ATL2: variants seen among roughly 807,000 people sequenced by gnomAD.
ATL2 encodes the protein atlastin-2.
Under a neutral mutation model 73.9 loss-of-function variants are expected in ATL2, and 31 were observed. That is an observed-to-expected ratio of 0.42 (90% CI 0.32 to 0.57). The LOEUF (loss-of-function observed/expected upper bound fraction) is 0.57, where lower values mean the gene tolerates loss of function less well. Ranked by LOEUF, ATL2 falls within the 20% of genes least tolerant of loss-of-function variation. ATL2 has a pLI of 0.14. For missense variants in ATL2, 738 were observed against 702.6 expected (o/e 1.05, Z -0.57); for synonymous variants, 291 against 237.5 (o/e 1.23, Z -2.07).
Position 38,367,431 on chromosome 2 carries a change from G to A in ATL2, c.118+9712C>T, listed in dbSNP as rs542310583. 2.6e-3 allele frequency among the ~76,000 whole-genome samples: 394 copies of A among 150,606 alleles called. 1 individual carries two copies. The highest frequency in any genetic ancestry group is 4.4e-3 in the Non-Finnish European group (294 of 67,564). On this transcript the variant is annotated intron_variant, in intron 1 of 12. Transcript: ENST00000378954. ...ATCCTGGCTAACACGGTGAAACCCC[G>A]TCTCTATTAAAAATACAAAAAAAAA...
chr2:38,350,066 T>C (rs537526226), intron 1 of ATL2, among the ~76,000 whole-genome samples: 1 of 152,340 alleles, frequency 6.6e-6, no homozygotes, highest in African/African-American at 2.4e-5. Context: ...CTGTAAATAC[T>C]GTACTAGCAT....
rs544391830 is a variant in ATL2 at position 38,313,380 on chromosome 2, T to C, written c.712-137A>G. 82 of 628,732 alleles carry C rather than the reference T, an allele frequency of 1.3e-4. No individual in the cohort carries two copies. In the African/African-American group the frequency reaches 1.5e-3, roughly 11 times the overall value. The allele number at this position is 628,732 out of a possible 1,614,324, so 38.9% of individuals were successfully genotyped here. A position where few individuals can be genotyped will look rare whatever the true frequency, so the allele number is the denominator to read the frequency against. On this transcript the variant is annotated intron_variant, in intron 6 of 12. Coordinates refer to ENST00000378954, the MANE Select transcript of ATL2 (RefSeq NM_001135673.4). ...AAAGTTATAGTAACTAAATGGTCAG[T>C]ACTGGTCATGGTTATATCAAGGACC...
At chr2:38,341,417 A>G (rs1250362111) in intron 2 of ATL2, among the ~76,000 whole-genome samples, 1 of 152,170 alleles carries the variant, frequency 6.6e-6, no homozygotes, top group African/African-American at 2.4e-5. Context: ...TGGGAGAATC[A>G]CTTGAGGCCA....
intron 1 of ATL2, among the ~76,000 whole-genome samples, chr2:38,353,761 T>C (rs1670493814): frequency 6.6e-6 from 1 of 152,334 alleles, no homozygotes; most frequent in South Asian, 2.1e-4. Flanking sequence ...CTGCTGCTTA[T>C]CACATCATCA....
chr2:38,310,205 T>C, intron 8 of ATL2, 104 bp downstream of exon 8: 1 of 1,296,144 alleles, frequency 7.7e-7, no homozygotes. Flanking sequence ...CATCCAAACA[T>C]TCTCCAGTAT....
intron 2 of ATL2, among the ~76,000 whole-genome samples, chr2:38,336,570 G>A (rs1234371060): frequency 6.6e-6 from 1 of 152,190 alleles, no homozygotes; most frequent in Non-Finnish European, 1.5e-5. Context: ...ATAATTTAGT[G>A]TAGGTATATC....
rs1350860053 is a variant in ATL2, at chr2:38,332,255, G to C, written c.363+11013C>G. ...ACTGTGACTTGCTCTCTCCCAGACT[G>C]GAGTGCAATAGCACAATCAGGGCTC... On this transcript the variant is annotated intron_variant, in intron 2 of 12. Transcript: ENST00000378954. Among the ~76,000 whole-genome samples, 3 of 152,204 alleles carry C rather than the reference G, an allele frequency of 2.0e-5. No homozygotes were observed. In the East Asian group the frequency reaches 5.8e-4, roughly 29 times the overall value.
chr2:38,340,983 T>C (rs557555075), intron 2 of ATL2, among the ~76,000 whole-genome samples: 2 of 152,320 alleles, frequency 1.3e-5, no homozygotes, highest in African/African-American at 2.4e-5. Context: ...TGTGCAGAGA[T>C]TGCAAATACA....
At chr2:38,328,521 G>A (rs1483477894) in intron 2 of ATL2, among the ~76,000 whole-genome samples, 1 of 152,036 alleles carries the variant, frequency 6.6e-6, no homozygotes, top group African/African-American at 2.4e-5. Context: ...ATCAGTAACA[G>A]AAACACAGCT....
At chr2:38,354,501 T>C (rs1036210132) in intron 1 of ATL2, among the ~76,000 whole-genome samples, 1 of 152,192 alleles carries the variant, frequency 6.6e-6, no homozygotes, top group Non-Finnish European at 1.5e-5. Context: ...TGGTAAAACA[T>C]TGATTCTAAA....
In ATL2 at chr2:38,310,384, T is replaced by G. The variant is rs757660514; in HGVS notation, c.868A>C (p.Asn290His). Residue 290 changes from asparagine to histidine, a missense_variant, in exon 8 of 13, where the codon AAT (asparagine) becomes CAT (histidine). By Grantham distance (68) the Asn-to-His change is moderately conservative (BLOSUM62 1). Coordinates refer to ENST00000378954, the MANE Select transcript of ATL2 (RefSeq NM_001135673.4). ...TGTGGCAAAAGGAAGCAACCAAGATTTGAGAAACAATTGTGTATGTGCTTC... is the reference window on the plus strand; with the variant it reads ...TGTGGCAAAAGGAAGCAACCAAGATGTGAGAAACAATTGTGTATGTGCTTC... ...VRKHIHNCFS[N>H]LGCFLLPHPG... 1.4e-5 allele frequency: 22 copies of G among 1,611,954 alleles called. No homozygotes were observed. Among genetic ancestry groups the G allele is most frequent in the Non-Finnish European group, 1.9e-5 (22 of 1,179,210 alleles).
intron 2 of ATL2, among the ~76,000 whole-genome samples, chr2:38,322,680 G>A (rs1435742024): frequency 6.6e-6 from 1 of 151,866 alleles, no homozygotes; most frequent in Non-Finnish European, 1.5e-5. Flanking sequence ...ACCTTGTAAT[G>A]GAAATGTTTA....
chr2:38,365,192 T>TAC (rs760433688), intron 1 of ATL2, among the ~76,000 whole-genome samples: 4 of 134,588 alleles, frequency 3.0e-5, no homozygotes, highest in African/African-American at 1.1e-4. Flanking sequence ...CACACACAAA[T>TAC]ACACACACAC....
chr2:38,360,149 AG>A (rs1333150124), intron 1 of ATL2, among the ~76,000 whole-genome samples: 2 of 149,460 alleles, frequency 1.3e-5, no homozygotes, highest in African/African-American at 2.5e-5. Context: ...AAAAAAAAAA[AG>A]AATACTAAAG....
chr2:38,305,485 G>A (rs925010738), intron 9 of ATL2, among the ~76,000 whole-genome samples: 12 of 152,144 alleles, frequency 7.9e-5, no homozygotes, highest in African/African-American at 2.4e-4. Context: ...GGAGGTAGAG[G>A]TTGCAGTGAG....
chr2:38,336,274 T>C (rs1259610522), intron 2 of ATL2, among the ~76,000 whole-genome samples: 9 of 152,250 alleles, frequency 5.9e-5, no homozygotes, highest in Admixed American at 1.3e-4. Context: ...GCAGTGCGTA[T>C]GATTCTTAAA....
chr2:38,367,449 A>G (rs896184208), intron 1 of ATL2, among the ~76,000 whole-genome samples: 21 of 150,504 alleles, frequency 1.4e-4, no homozygotes, highest in Non-Finnish European at 3.1e-4. Context: ...TAAAAATACA[A>G]AAAAAAATTA....
rs111531452 is a variant in ATL2, at chr2:38,300,975, CT to C, written c.1072-648del. Among the ~76,000 whole-genome samples the C allele has an allele frequency of 5.6e-4, 79 of 141,202 alleles. 1 individual carries two copies. Among genetic ancestry groups the C allele is most frequent in the Middle Eastern group, 3.6e-3 (1 of 276 alleles). 92.6% of individuals were successfully genotyped at this position (141,202 alleles called of 152,430 possible). A position where few individuals can be genotyped will look rare whatever the true frequency, so the allele number is the denominator to read the frequency against. ...ATATAGGGTCTTTCATCTCAACTTT[CT>C]TTTTTTTTTTTGAGAAGGAATTTCG... is the stretch of plus-strand genomic sequence containing the variant. On this transcript the variant is annotated intron_variant, in intron 9 of 12. Coordinates refer to ENST00000378954, the MANE Select transcript of ATL2 (RefSeq NM_001135673.4).
intron 1 of ATL2, among the ~76,000 whole-genome samples, chr2:38,360,679 A>G (rs929042215): frequency 6.6e-6 from 1 of 151,982 alleles, no homozygotes; most frequent in Non-Finnish European, 1.5e-5. Context: ...CTTGAAGAAA[A>G]TCTCACCTCA....
Sources: gnomAD v4.1 joint callset for allele counts (sites outside exome capture counted in the v4.1 genomes callset) on GRCh38, gnomAD v4.1.1 for gene constraint, MANE v1.5 for transcripts, NCBI Gene and HGNC (gene_info 2026-07-23, HGNC 2026-07-21) for gene names.